The following CEP63 variants were observed in gnomAD, a reference collection of about 807,000 sequenced individuals.
CEP63 encodes the protein centrosomal protein of 63 kDa.
A neutral mutation model predicts 89.1 loss-of-function variants in CEP63; 84 were observed. The ratio of observed to expected loss-of-function variants is 0.94; its 90% confidence interval spans 0.79 to 1.13. CEP63 has a LOEUF of 1.13. CEP63 is among the 50% of genes most tolerant of loss of function. The pLI, the probability that CEP63 is intolerant of heterozygous loss-of-function variation, is 0.00. For missense variants in CEP63, 838 were observed against 813.3 expected, an observed-to-expected ratio of 1.03 and a Z score of -0.37; for synonymous variants, 267 against 272.5, an observed-to-expected ratio of 0.98 and a Z score of 0.20.
At chr3:134,628,077 T>G in the CEP63 span, 1 of 546,172 alleles carries the variant, frequency 1.8e-6, no homozygotes, top group East Asian at 3.1e-5. Flanking sequence ...GAGTTAGTAT[T>G]TGCTCTGACC....
At chr3:134,623,544 C>G in the CEP63 span, among the ~76,000 whole-genome samples, 3 of 151,750 alleles carry the variant, frequency 2.0e-5, no homozygotes, top group Non-Finnish European at 4.4e-5. Context: ...CTCCATGCCC[C>G]CTTGTTCCCC....
At chr3:134,589,610 A>C (rs1419671333), downstream of CEP63, among the ~76,000 whole-genome samples, 1 of 148,410 alleles carries the variant, frequency 6.7e-6, no homozygotes, top group Middle Eastern at 3.3e-3. Context: ...CATATTGGCA[A>C]GGGTGTGGAG....
the CEP63 span, among the ~76,000 whole-genome samples, chr3:134,659,149 C>G: frequency 6.6e-6 from 1 of 152,298 alleles, no homozygotes; most frequent in African/African-American, 2.4e-5. Flanking sequence ...GAAGATCAAT[C>G]TGTCTTTCAC....
chr3:134,642,127 G>C, the CEP63 span, among the ~76,000 whole-genome samples: 1 of 152,182 alleles, frequency 6.6e-6, no homozygotes, highest in Non-Finnish European at 1.5e-5. Context: ...ACTGTGAGGA[G>C]AGCCAGCTCC....
the CEP63 span, among the ~76,000 whole-genome samples, chr3:134,756,713 G>A: frequency 6.6e-6 from 1 of 152,156 alleles, no homozygotes; most frequent in Non-Finnish European, 1.5e-5. Flanking sequence ...TGCAGGGATG[G>A]AGGGCTGCTA....
the CEP63 span, among the ~76,000 whole-genome samples, chr3:134,740,057 T>A: frequency 1.2e-4 from 18 of 152,232 alleles, no homozygotes; most frequent in Admixed American, 7.8e-4. Flanking sequence ...TGCTGTCTCC[T>A]GGGCTAGGCA....
chr3:134,505,199 C>T (rs1234281377), intron 2 of CEP63, among the ~76,000 whole-genome samples: 1 of 151,448 alleles, frequency 6.6e-6, no homozygotes, highest in Non-Finnish European at 1.5e-5. Context: ...TTCTTGTGTC[C>T]TTGTGTTGAT....
chr3:134,530,501 C>A (rs1949662552), intron 3 of CEP63, among the ~76,000 whole-genome samples: 1 of 151,824 alleles, frequency 6.6e-6, no homozygotes, highest in Non-Finnish European at 1.5e-5. Context: ...AAGTTAAAAG[C>A]CCTTTGATTT....
intron 3 of CEP63, among the ~76,000 whole-genome samples, chr3:134,528,389 T>C (rs9883753): frequency 0.63 from 96,360 of 152,048 alleles, 31,262 homozygotes; most frequent in East Asian, 0.81. Context: ...TTTAAAAACC[T>C]TGGTCAAAGA....
chr3:134,513,884 A>G (rs1945582775), intron 3 of CEP63, among the ~76,000 whole-genome samples: 1 of 152,188 alleles, frequency 6.6e-6, no homozygotes, highest in South Asian at 2.1e-4. Flanking sequence ...TAGCAAATAT[A>G]AATTTTCTTC....
chr3:134,633,835 G>A, the CEP63 span, among the ~76,000 whole-genome samples: 1 of 152,226 alleles, frequency 6.6e-6, no homozygotes, highest in African/African-American at 2.4e-5. Flanking sequence ...CAGTTGATAT[G>A]TCTGTCTACA....
downstream of CEP63, among the ~76,000 whole-genome samples, chr3:134,567,749 AG>A (rs1291652547): frequency 6.6e-6 from 1 of 152,176 alleles, no homozygotes; most frequent in East Asian, 1.9e-4. Context: ...GTGGGAGTTC[AG>A]TCTTGGTGCT....
chr3:134,512,415 C>A (rs1015113164), intron 3 of CEP63, among the ~76,000 whole-genome samples: 2 of 152,200 alleles, frequency 1.3e-5, no homozygotes, highest in African/African-American at 4.8e-5. Context: ...AATTTAGAGT[C>A]CTGGCCCTGC....
chr3:134,587,564 C>T (rs372000978), exon 11 of CEP63, among the ~76,000 whole-genome samples: 9 of 152,268 alleles, frequency 5.9e-5, no homozygotes, highest in Middle Eastern at 3.4e-3. Context: ...ATCCTTCCCC[C>T]GGAAGCTTCA....
chr3:134,640,164 C>T, the CEP63 span, among the ~76,000 whole-genome samples: 1 of 151,612 alleles, frequency 6.6e-6, no homozygotes, highest in African/African-American at 2.4e-5. Flanking sequence ...AAATGTTGAA[C>T]CATTCCGAGC....
the CEP63 span, among the ~76,000 whole-genome samples, chr3:134,594,230 TC>T: frequency 6.6e-6 from 1 of 152,096 alleles, no homozygotes; most frequent in Non-Finnish European, 1.5e-5. Context: ...TGCCAGGGGC[TC>T]CCCACTCCTA....
intron 6 of CEP63, among the ~76,000 whole-genome samples, chr3:134,539,685 C>G (rs914880050): frequency 1.2e-4 from 18 of 151,716 alleles, no homozygotes; most frequent in African/African-American, 4.4e-4. Context: ...ATTAACCTAC[C>G]CTCCATTAAA....
At chr3:134,627,762 C>CATCT in the CEP63 span, 1 of 1,613,686 alleles carries the variant, frequency 6.2e-7, no homozygotes, top group Non-Finnish European at 8.5e-7. Context: ...TTACCATGGG[C>CATCT]ATCTTTCCCT....
chr3:134,757,713 G>T, the CEP63 span, among the ~76,000 whole-genome samples: 7 of 152,180 alleles, frequency 4.6e-5, no homozygotes, highest in African/African-American at 9.7e-5. Flanking sequence ...GGGGCCCTTG[G>T]GGGGTGGTGC....
Sources: gnomAD v4.1 joint callset for allele counts (sites outside exome capture counted in the v4.1 genomes callset) on GRCh38, gnomAD v4.1.1 for gene constraint, MANE v1.5 for transcripts, NCBI Gene and HGNC (gene_info 2026-07-23, HGNC 2026-07-21) for gene names.